RBFOX1: variants seen among roughly 807,000 people sequenced by gnomAD.
RBFOX1 encodes RNA binding fox-1 homolog 1.
RBFOX1 carries 8 observed loss-of-function variants against 57.7 expected under a neutral mutation model. The ratio of observed to expected loss-of-function variants is 0.14; its 90% confidence interval spans 0.08 to 0.25. RBFOX1 has a LOEUF of 0.25. Ranked by LOEUF, RBFOX1 falls within the 10% of genes least tolerant of loss-of-function variation. RBFOX1 has a pLI of 1.00. For synonymous variants in RBFOX1, 326 were observed against 222.4 expected, an observed-to-expected ratio of 1.47 and a Z score of -4.15; for missense variants, 611 against 548.5, an observed-to-expected ratio of 1.11 and a Z score of -1.14.
chr16:5,976,481 C>T (rs912158821), intron 4 of RBFOX1, among the ~76,000 whole-genome samples: 1 of 152,112 alleles, frequency 6.6e-6, no homozygotes, highest in Non-Finnish European at 1.5e-5. Flanking sequence ...TCCTTAGAAT[C>T]CCATTAGGAA....
intron 1 of RBFOX1, among the ~76,000 whole-genome samples, chr16:6,173,483 T>C (rs574878928): frequency 3.3e-5 from 5 of 151,722 alleles, no homozygotes; most frequent in Non-Finnish European, 7.4e-5. Context: ...ACACACACAC[T>C]CCACTCACCA....
chr16:5,544,375 A>G (rs988026596), intron 2 of RBFOX1, among the ~76,000 whole-genome samples: 16 of 152,332 alleles, frequency 1.1e-4, no homozygotes, highest in African/African-American at 2.4e-4. Context: ...TTTGAATTGA[A>G]TGAAAATGAA....
chr16:6,074,072 C>T (rs956796612), intron 1 of RBFOX1, among the ~76,000 whole-genome samples: 1 of 152,118 alleles, frequency 6.6e-6, no homozygotes, highest in Non-Finnish European at 1.5e-5. Flanking sequence ...CCTCAGCCTC[C>T]CGAGTAGCTG....
intron 2 of RBFOX1, among the ~76,000 whole-genome samples, chr16:5,562,277 C>T (rs1443019861): frequency 6.6e-6 from 1 of 152,136 alleles, no homozygotes; most frequent in East Asian, 1.9e-4. Flanking sequence ...CAAGTAGGAC[C>T]CAGAGCCTCC....
intron 3 of RBFOX1, among the ~76,000 whole-genome samples, chr16:6,836,502 C>A (rs1298568814): frequency 6.6e-6 from 1 of 152,188 alleles, no homozygotes; most frequent in African/African-American, 2.4e-5. Flanking sequence ...TTCAAACCTT[C>A]CTTCTACGTG....
intron 2 of RBFOX1, among the ~76,000 whole-genome samples, chr16:6,587,288 G>T (rs887875375): frequency 2.4e-5 from 3 of 125,586 alleles, no homozygotes; most frequent in East Asian, 4.5e-4. Flanking sequence ...TCTGAGTTTG[G>T]CCTTTTTTTT....
intron 3 of RBFOX1, among the ~76,000 whole-genome samples, chr16:6,677,695 T>A (rs1568173433): frequency 6.6e-6 from 1 of 152,170 alleles, no homozygotes; most frequent in Non-Finnish European, 1.5e-5. Context: ...TCCATAGACA[T>A]GTGAGCCATG....
At chr16:5,294,535 G>A (rs573133709) in intron 1 of RBFOX1, among the ~76,000 whole-genome samples, 16 of 152,230 alleles carry the variant, frequency 1.1e-4, no homozygotes, top group Admixed American at 5.9e-4. Flanking sequence ...GGGATCCCTC[G>A]TAACCAGGTA....
intron 3 of RBFOX1, among the ~76,000 whole-genome samples, chr16:6,833,760 G>A (rs571398143): frequency 3.9e-5 from 6 of 152,316 alleles, no homozygotes; most frequent in Admixed American, 3.3e-4. Flanking sequence ...ATTTGGATGG[G>A]AAGGTTCATT....
At chr16:6,804,032 A>T (rs144604871) in intron 3 of RBFOX1, among the ~76,000 whole-genome samples, 111 of 151,844 alleles carry the variant, frequency 7.3e-4, no homozygotes, top group African/African-American at 2.4e-3. Flanking sequence ...TTCGAGATGG[A>T]GTCTTGCACT....
At chr16:6,947,494 C>A (rs1002643150) in intron 3 of RBFOX1, among the ~76,000 whole-genome samples, 1 of 152,130 alleles carries the variant, frequency 6.6e-6, no homozygotes, top group Non-Finnish European at 1.5e-5. Context: ...TGTAGGAACA[C>A]CCTGAAATAG....
intron 4 of RBFOX1, among the ~76,000 whole-genome samples, chr16:7,062,498 C>G (rs1315618038): frequency 6.6e-6 from 1 of 152,042 alleles, no homozygotes; most frequent in Non-Finnish European, 1.5e-5. Context: ...TCCTTGTTGT[C>G]TGCATCCAAC....
chr16:7,172,101 G>A (rs1428322515), intron 4 of RBFOX1, among the ~76,000 whole-genome samples: 1 of 152,158 alleles, frequency 6.6e-6, no homozygotes, highest in Non-Finnish European at 1.5e-5. Context: ...GTTCTCATCT[G>A]TAAAATGAAA....
At chr16:6,626,412 C>G (rs2098308426) in intron 2 of RBFOX1, among the ~76,000 whole-genome samples, 1 of 152,136 alleles carries the variant, frequency 6.6e-6, no homozygotes, top group Non-Finnish European at 1.5e-5. Context: ...TCCTCCTTTG[C>G]TGTGGATTCT....
chr16:6,465,571 A>G (rs2095028548), intron 2 of RBFOX1, among the ~76,000 whole-genome samples: 1 of 151,152 alleles, frequency 6.6e-6, no homozygotes, highest in Admixed American at 6.6e-5. Context: ...TTCAGATCAG[A>G]GTCTTCTCAG....
intron 3 of RBFOX1, among the ~76,000 whole-genome samples, chr16:5,714,783 A>T (rs907845135): frequency 5.9e-5 from 9 of 152,246 alleles, no homozygotes; most frequent in African/African-American, 2.2e-4. Context: ...TAATCATATC[A>T]GCCTCGTAAG....
chr16:6,630,367 C>T (rs867617794), intron 2 of RBFOX1, among the ~76,000 whole-genome samples: 2 of 152,080 alleles, frequency 1.3e-5, no homozygotes, highest in Non-Finnish European at 2.9e-5. Flanking sequence ...ATTTCTGCAG[C>T]AGATTGTTTG....
exon 1 of RBFOX1, chr16:5,240,050 C>G (rs949516106): frequency 6.5e-7 from 1 of 1,531,820 alleles, no homozygotes; most frequent in Admixed American, 2.0e-5. Context: ...GGGAAGGACG[C>G]GCCGCGGCCG....
chr16:6,536,335 A>T (rs2096735103), intron 2 of RBFOX1, among the ~76,000 whole-genome samples: 1 of 152,200 alleles, frequency 6.6e-6, no homozygotes, highest in African/African-American at 2.4e-5. Flanking sequence ...TTTGCAATTT[A>T]TGTTTTTACC....
Sources: gnomAD v4.1 joint callset for allele counts (sites outside exome capture counted in the v4.1 genomes callset) on GRCh38, gnomAD v4.1.1 for gene constraint, MANE v1.5 for transcripts, NCBI Gene and HGNC (gene_info 2026-07-23, HGNC 2026-07-21) for gene names.